Variants in NKAIN2 observed in about 807,000 individuals in gnomAD.
The protein encoded by NKAIN2 is sodium/potassium transporting ATPase interacting 2, also known as sodium/potassium-transporting ATPase subunit beta-1-interacting protein 2.
A neutral mutation model predicts 32.6 loss-of-function variants in NKAIN2; 14 were observed. The ratio of observed to expected loss-of-function variants is 0.43; its 90% CI spans 0.28 to 0.67. The LOEUF (loss-of-function observed/expected upper bound fraction) is 0.67, where lower values mean the gene tolerates loss of function less well. NKAIN2 is among the 30% of genes least tolerant of loss of function. The pLI is 0.17. For missense variants in NKAIN2, 198 were observed against 258.3 expected, an observed-to-expected ratio of 0.77 and a Z score of 1.60; for synonymous variants, 80 against 87.2, an observed-to-expected ratio of 0.92 and a Z score of 0.46.
At chr6:123,884,849 C>A (rs1368742114) in intron 1 of NKAIN2, among the ~76,000 whole-genome samples, 1 of 152,058 alleles carries the variant, frequency 6.6e-6, no homozygotes, top group African/African-American at 2.4e-5. Flanking sequence ...GCAACAACGT[C>A]TTGATTATAC....
At chr6:124,613,847 T>G (rs1265423830) in intron 3 of NKAIN2, among the ~76,000 whole-genome samples, 1 of 152,214 alleles carries the variant, frequency 6.6e-6, no homozygotes, top group African/African-American at 2.4e-5. Flanking sequence ...TGTCTAGTGC[T>G]TAGTACCCTG....
intron 1 of NKAIN2, among the ~76,000 whole-genome samples, chr6:124,209,349 AT>A (rs1791056766): frequency 6.6e-6 from 1 of 151,766 alleles, no homozygotes. Flanking sequence ...TACTTACCAC[AT>A]TTTTTATGCA....
rs768487386 is a variant in NKAIN2, at chr6:123,996,874, C to T, written c.54+192620C>T. ...TGCTTAATTTGACAGATAATTTTACCGTGCTAAAATGGTAAAATGCAATTG... is the reference window on the plus strand; with the variant it reads ...TGCTTAATTTGACAGATAATTTTACTGTGCTAAAATGGTAAAATGCAATTG... On this transcript the variant is annotated intron_variant, in intron 1 of 6. Transcript: ENST00000368417. Among the ~76,000 whole-genome samples the T allele has an allele frequency of 8.5e-5, 13 of 152,134 alleles. No individual in the cohort carries two copies. The South Asian group carries it at 1.2e-3, about 15-fold the overall frequency.
rs189849710 is a variant in NKAIN2, at chr6:123,915,736, G to T, written c.54+111482G>T. Among the ~76,000 whole-genome samples the T allele has an allele frequency of 6.5e-3, 987 of 152,218 alleles. 7 individuals are homozygous for T. The highest frequency in any genetic ancestry group is 1.0e-2 in the Non-Finnish European group (678 of 68,010). ...GGCAGGATGTGAAAAGCACATGCAC[G>T]AATTCTCTTGTGTGTCTCCGTGTAT... is the stretch of plus-strand genomic sequence containing the variant. On this transcript the variant is annotated intron_variant, in intron 1 of 6. Transcript: ENST00000368417.
intron 1 of NKAIN2, among the ~76,000 whole-genome samples, chr6:123,909,178 CT>C (rs1775039077): frequency 6.6e-6 from 1 of 152,066 alleles, no homozygotes; most frequent in Non-Finnish European, 1.5e-5. Context: ...CACTTACCAC[CT>C]GTATGTTTTG....
In NKAIN2 at chr6:123,821,550, C is replaced by T. The variant is rs753911681; in HGVS notation, c.54+17296C>T. On this transcript the variant is annotated intron_variant, in intron 1 of 6. Coordinates refer to ENST00000368417, the MANE Select transcript of NKAIN2 (RefSeq NM_001040214.3). ...GTATATCTAGATATAGACCCTGTAA[C>T]GTTACCTCATAAACCCAGCACTCAG... Among the ~76,000 whole-genome samples the T allele has an allele frequency of 4.6e-5, 7 of 152,238 alleles. No homozygotes were observed. The East Asian group carries it at 5.8e-4, about 13-fold the overall frequency.
intron 1 of NKAIN2, among the ~76,000 whole-genome samples, chr6:124,250,331 A>G (rs558972208): frequency 4.6e-5 from 7 of 152,098 alleles, no homozygotes; most frequent in Non-Finnish European, 1.0e-4. Context: ...GAAGAGCCCA[A>G]TCTTAAAATC....
At chr6:124,361,926 T>G (rs1348687268) in intron 3 of NKAIN2, among the ~76,000 whole-genome samples, 2 of 152,260 alleles carry the variant, frequency 1.3e-5, no homozygotes, top group South Asian at 2.1e-4. Flanking sequence ...ATTTGGATTC[T>G]TTTGCTCAAT....
intron 2 of NKAIN2, among the ~76,000 whole-genome samples, chr6:124,298,018 C>G (rs1489426739): frequency 6.6e-6 from 1 of 152,088 alleles, no homozygotes; most frequent in African/African-American, 2.4e-5. Flanking sequence ...AAATATTGAG[C>G]ATGTGTCTTG....
chr6:124,016,420 A>G (rs746979478), intron 1 of NKAIN2, among the ~76,000 whole-genome samples: 8 of 152,224 alleles, frequency 5.3e-5, no homozygotes, highest in Non-Finnish European at 1.0e-4. Context: ...TGCTTTCTCC[A>G]AAAGCAGTGA....
intron 1 of NKAIN2, among the ~76,000 whole-genome samples, chr6:124,173,343 G>A (rs1788990916): frequency 6.6e-6 from 1 of 152,026 alleles, no homozygotes; most frequent in Non-Finnish European, 1.5e-5. Context: ...ACGTGATTGG[G>A]AGTTTTACTG....
intron 4 of NKAIN2, among the ~76,000 whole-genome samples, chr6:124,775,354 A>G (rs1292304521): frequency 2.0e-5 from 3 of 152,156 alleles, no homozygotes; most frequent in African/African-American, 7.2e-5. Flanking sequence ...CCAGCCTTTA[A>G]TCTCCTCAAA....
intron 3 of NKAIN2, among the ~76,000 whole-genome samples, chr6:124,382,618 G>T (rs1772697433): frequency 6.6e-6 from 1 of 152,170 alleles, no homozygotes; most frequent in Non-Finnish European, 1.5e-5. Context: ...GGAGCTGTGA[G>T]ATTTTGCTAT....
chr6:124,452,507 A>G (rs1277343654), intron 3 of NKAIN2, among the ~76,000 whole-genome samples: 1 of 152,156 alleles, frequency 6.6e-6, no homozygotes, highest in East Asian at 1.9e-4. Context: ...GAATGCTTAA[A>G]GATTTTAAAT....
chr6:124,294,467 T>C (rs959729210), intron 2 of NKAIN2, among the ~76,000 whole-genome samples: 52 of 152,186 alleles, frequency 3.4e-4, no homozygotes, highest in African/African-American at 1.1e-3. Context: ...TTCAGCTTCA[T>C]GTTAATTCTG....
At chr6:124,782,532 C>T (rs1016730509) in intron 4 of NKAIN2, among the ~76,000 whole-genome samples, 1 of 152,134 alleles carries the variant, frequency 6.6e-6, no homozygotes, top group Admixed American at 6.5e-5. Flanking sequence ...ATTGTCATCA[C>T]TGGGGCAGCA....
intron 1 of NKAIN2, among the ~76,000 whole-genome samples, chr6:124,150,827 C>T (rs1787679660): frequency 6.6e-6 from 1 of 151,982 alleles, no homozygotes; most frequent in Admixed American, 6.6e-5. Context: ...TCTTTATTAA[C>T]CCTGTGTGTT....
intron 4 of NKAIN2, among the ~76,000 whole-genome samples, chr6:124,763,912 C>T (rs1778385628): frequency 1.3e-5 from 2 of 152,142 alleles, no homozygotes; most frequent in South Asian, 4.1e-4. Flanking sequence ...TTCAACATTT[C>T]CTATGTCATA....
chr6:124,305,670 G>T (rs1365581825), intron 2 of NKAIN2, among the ~76,000 whole-genome samples: 1 of 152,180 alleles, frequency 6.6e-6, no homozygotes, highest in Non-Finnish European at 1.5e-5. Context: ...CGTGGCAAAA[G>T]GGTGGTAGAC....
Sources: allele counts gnomAD v4.1 joint callset (sites outside exome capture counted in the v4.1 genomes callset), GRCh38; gene constraint gnomAD v4.1.1; transcripts MANE v1.5; gene names NCBI Gene and HGNC (gene_info 2026-07-23, HGNC 2026-07-21).